Variants in RIMS2 observed in about 807,000 individuals in gnomAD.
RIMS2 encodes the protein regulating synaptic membrane exocytosis 2.
A neutral mutation model predicts 174.4 loss-of-function variants in RIMS2; 59 were observed. The observed-to-expected ratio is 0.34, with a 90% CI of 0.27 to 0.42. The LOEUF (loss-of-function observed/expected upper bound fraction) is 0.42, where lower values mean the gene tolerates loss of function less well. Among genes scored for constraint, RIMS2 ranks in the 10% least tolerant of loss-of-function variants. The pLI is 1.00. For synonymous variants in RIMS2, 606 were observed against 572.5 expected (o/e 1.06, Z -0.84); for missense variants, 1,620 against 1,666.3 (o/e 0.97, Z 0.48).
At chr8:104,212,396 A>C (rs1412414975) in intron 19 of RIMS2, among the ~76,000 whole-genome samples, 1 of 152,134 alleles carries the variant, frequency 6.6e-6, no homozygotes, top group African/African-American at 2.4e-5. Context: ...TAGGAAGAAA[A>C]CTTACAAGAA....
intron 1 of RIMS2, among the ~76,000 whole-genome samples, chr8:103,622,023 A>G (rs1287582075): frequency 6.6e-6 from 1 of 152,192 alleles, no homozygotes; most frequent in Non-Finnish European, 1.5e-5. Context: ...GTGATTTGCC[A>G]TAGTATCATT....
intron 3 of RIMS2, among the ~76,000 whole-genome samples, chr8:103,789,685 C>T (rs1186228397): frequency 1.3e-5 from 2 of 149,998 alleles, no homozygotes; most frequent in East Asian, 2.0e-4. Flanking sequence ...TATCTTTTGA[C>T]TTTGCTTATA....
intron 19 of RIMS2, among the ~76,000 whole-genome samples, chr8:104,144,281 C>T (rs1286101794): frequency 3.3e-5 from 5 of 151,972 alleles, no homozygotes; most frequent in Non-Finnish European, 7.4e-5. Context: ...TTTTCTAAAG[C>T]CAAAAATTAG....
intron 20 of RIMS2, among the ~76,000 whole-genome samples, chr8:104,246,764 G>A (rs1023141124): frequency 2.0e-5 from 3 of 152,174 alleles, no homozygotes; most frequent in Non-Finnish European, 4.4e-5. Context: ...CAGAGGCCCT[G>A]AAGCAGGAGC....
At chr8:103,771,286 A>G (rs2098250643) in intron 3 of RIMS2, among the ~76,000 whole-genome samples, 2 of 152,194 alleles carry the variant, frequency 1.3e-5, no homozygotes, top group Non-Finnish European at 2.9e-5. Context: ...AATACATTGT[A>G]AAACTGGATT....
At chr8:103,824,210 G>A (rs1252459247) in intron 3 of RIMS2, among the ~76,000 whole-genome samples, 2 of 151,876 alleles carry the variant, frequency 1.3e-5, no homozygotes, top group African/African-American at 4.8e-5. Flanking sequence ...TCTGCTTTTG[G>A]TGATGACTGA....
At chr8:104,010,693 C>G (rs2095732114) in intron 17 of RIMS2, among the ~76,000 whole-genome samples, 1 of 152,072 alleles carries the variant, frequency 6.6e-6, no homozygotes, top group Non-Finnish European at 1.5e-5. Flanking sequence ...AAAAATGTAA[C>G]AGTGATAGAT....
rs561997823 is a variant in RIMS2 at position 103,806,136 on chromosome 8, C to T, written c.698+39599C>T. Among the ~76,000 whole-genome samples the T allele has an allele frequency of 3.9e-5, 6 of 152,188 alleles. No individual in the cohort carries two copies. In the South Asian group the frequency reaches 1.2e-3, roughly 32 times the overall value. On this transcript the variant is annotated intron_variant, in intron 3 of 23. Coordinates refer to ENST00000504942, the Ensembl canonical transcript of RIMS2. The stretch of plus-strand genomic sequence containing the variant: ...GACTTCGTTTAATAAGAATTAGAGT[C>T]ATGAGGGTGGAAGGATTATGAAGAT...
At chr8:104,028,651 A>G (rs1256327568) in intron 19 of RIMS2, among the ~76,000 whole-genome samples, 2 of 152,198 alleles carry the variant, frequency 1.3e-5, no homozygotes, top group African/African-American at 4.8e-5. Context: ...GTACTCTTCT[A>G]TAAAATCCCA....
chr8:103,888,409 G>A (rs1256956083), intron 4 of RIMS2, among the ~76,000 whole-genome samples: 1 of 151,250 alleles, frequency 6.6e-6, no homozygotes, highest in African/African-American at 2.4e-5. Flanking sequence ...TCCCTAAGCT[G>A]TAGTACTTCC....
intron 19 of RIMS2, among the ~76,000 whole-genome samples, chr8:104,194,134 G>C (rs1340589425): frequency 6.6e-6 from 1 of 152,044 alleles, no homozygotes; most frequent in African/African-American, 2.4e-5. Context: ...AGTATTAGGA[G>C]AATTTTTTTC....
At chr8:103,550,954 T>C (rs1243964999) in intron 1 of RIMS2, among the ~76,000 whole-genome samples, 4 of 152,170 alleles carry the variant, frequency 2.6e-5, no homozygotes, top group Admixed American at 6.5e-5. Context: ...TAGGCAATAA[T>C]TAATGGCCTA....
chr8:103,710,930 G>T (rs2097295633), intron 2 of RIMS2, among the ~76,000 whole-genome samples: 1 of 152,116 alleles, frequency 6.6e-6, no homozygotes, highest in South Asian at 2.1e-4. Flanking sequence ...AGGAATCTCT[G>T]ATGAGTTCAC....
chr8:104,012,316 T>G (rs1200950729), intron 17 of RIMS2, among the ~76,000 whole-genome samples: 2 of 151,628 alleles, frequency 1.3e-5, no homozygotes, highest in Non-Finnish European at 1.5e-5. Flanking sequence ...TTGTTTGCCA[T>G]ATAATTCATG....
chr8:103,763,866 TA>T (rs2098138750), intron 2 of RIMS2, among the ~76,000 whole-genome samples: 1 of 152,250 alleles, frequency 6.6e-6, no homozygotes, highest in African/African-American at 2.4e-5. Context: ...CAAGGCTGTG[TA>T]TGAACTCCTT....
intron 2 of RIMS2, among the ~76,000 whole-genome samples, chr8:103,763,317 T>A (rs528897624): frequency 6.6e-6 from 1 of 152,066 alleles, no homozygotes; most frequent in African/African-American, 2.4e-5. Flanking sequence ...ATGCCCATAC[T>A]CCCAGCTACT....
At chr8:103,569,582 A>C (rs1437277826) in intron 1 of RIMS2, among the ~76,000 whole-genome samples, 1 of 151,844 alleles carries the variant, frequency 6.6e-6, no homozygotes, top group African/African-American at 2.4e-5. Flanking sequence ...CACTGCTTTT[A>C]TTAAATTTGT....
rs941977925 is a variant in RIMS2, at chr8:103,644,961, C to T, written c.177-52125C>T. 5.3e-5 allele frequency among the ~76,000 whole-genome samples: 8 copies of T among 151,974 alleles called. No homozygotes were observed. In the East Asian group the frequency reaches 1.2e-3, roughly 22 times the overall value. Reference sequence around the variant, plus strand: ...AGGAGTTCTTTAACAAGTAAATGAGCCCATTTACATATTTATTTCAGTATT... The same window carrying T: ...AGGAGTTCTTTAACAAGTAAATGAGTCCATTTACATATTTATTTCAGTATT... On this transcript the variant is annotated intron_variant, in intron 1 of 23. Transcript: ENST00000504942.
chr8:104,094,582 G>C (rs1372705036), intron 19 of RIMS2: 24 of 701,836 alleles, frequency 3.4e-5, no homozygotes, highest in Non-Finnish European at 6.0e-5. Context: ...AATGAGAAAG[G>C]GAAAGAGATT....
Sources: gnomAD v4.1 joint callset for allele counts (sites outside exome capture counted in the v4.1 genomes callset) on GRCh38, gnomAD v4.1.1 for gene constraint, MANE v1.5 for transcripts, NCBI Gene and HGNC (gene_info 2026-07-23, HGNC 2026-07-21) for gene names.